SLC35F2: variants seen among roughly 807,000 people sequenced by gnomAD.
The protein encoded by SLC35F2 is solute carrier family 35 member F2.
Under a neutral mutation model 38.1 loss-of-function variants are expected in SLC35F2, and 25 were observed. The ratio of observed to expected loss-of-function variants is 0.66; its 90% confidence interval spans 0.48 to 0.92. The LOEUF is 0.92. Ranked by LOEUF, SLC35F2 falls within the 40% of genes least tolerant of loss-of-function variation. The pLI is 0.00. For synonymous variants in SLC35F2, 173 were observed against 181.7 expected (o/e 0.95, Z 0.38); for missense variants, 409 against 452.9 (o/e 0.90, Z 0.88).
chr11:107,855,600 C>T (rs540032532), intron 1 of SLC35F2, among the ~76,000 whole-genome samples: 37 of 151,496 alleles, frequency 2.4e-4, no homozygotes, highest in African/African-American at 6.8e-4. Flanking sequence ...TGCGGTGAGC[C>T]GAGATCGCGC....
intron 3 of SLC35F2, chr11:107,810,172 T>G (rs944526530): frequency 2.0e-6 from 2 of 985,342 alleles, no homozygotes; most frequent in African/African-American, 3.5e-5. Flanking sequence ...GAGAAAACAT[T>G]ACCTTGTTAG....
chr11:107,817,973 C>T (rs1859602721), intron 1 of SLC35F2, among the ~76,000 whole-genome samples: 1 of 149,958 alleles, frequency 6.7e-6, no homozygotes, highest in Non-Finnish European at 1.5e-5. Context: ...AGGAGAATCG[C>T]TTGAACCCGG....
In SLC35F2 at chr11:107,810,802, T is replaced by C. The variant is rs911665405; in HGVS notation, c.414+865A>G. Reference sequence around the variant, plus strand: ...AATACTGAGTTCTCATCAATCCTTATATTTTCTATGCGAAATAAGTCTAAT... The same window carrying C: ...AATACTGAGTTCTCATCAATCCTTACATTTTCTATGCGAAATAAGTCTAAT... On this transcript the variant is annotated intron_variant, in intron 3 of 7. Coordinates refer to ENST00000525815, the MANE Select transcript of SLC35F2 (RefSeq NM_017515.5). 7.1e-6 allele frequency: 7 copies of C among 980,854 alleles called. No individual in the cohort carries two copies. The African/African-American group carries it at 1.1e-4, about 15-fold the overall frequency. 60.8% of individuals were successfully genotyped at this position (980,854 alleles called of 1,614,324 possible).
intron 7 of SLC35F2, among the ~76,000 whole-genome samples, chr11:107,800,579 G>A (rs561988805): frequency 6.6e-6 from 1 of 152,072 alleles, no homozygotes; most frequent in East Asian, 1.9e-4. Context: ...TTTACTGAAG[G>A]CACACTGAGA....
At chr11:107,796,063 A>G (rs1398153148) in intron 7 of SLC35F2, among the ~76,000 whole-genome samples, 2 of 152,166 alleles carry the variant, frequency 1.3e-5, no homozygotes, top group African/African-American at 4.8e-5. Flanking sequence ...CAGGAGGCGG[A>G]GGTTGCAGTG....
intron 2 of SLC35F2, 22 bp downstream of exon 2, chr11:107,815,768 A>G: frequency 6.4e-7 from 1 of 1,568,544 alleles, no homozygotes; most frequent in East Asian, 2.3e-5. Context: ...TGTTGAAAAG[A>G]TAATTTCCAC....
chr11:107,808,160 T>A (rs1390253181), intron 3 of SLC35F2, among the ~76,000 whole-genome samples: 2 of 152,120 alleles, frequency 1.3e-5, no homozygotes, highest in Admixed American at 1.3e-4. Flanking sequence ...TGACAAAGCG[T>A]CCAACCCCAC....
intron 3 of SLC35F2, 96 bp from the exon 4 acceptor site, chr11:107,806,972 G>T: frequency 8.8e-7 from 1 of 1,133,444 alleles, no homozygotes; most frequent in Non-Finnish European, 1.3e-6. Context: ...TATAATAGGA[G>T]TCAGTATTTA....
chr11:107,820,566 C>T (rs768111006), intron 1 of SLC35F2, among the ~76,000 whole-genome samples: 42 of 152,094 alleles, frequency 2.8e-4, no homozygotes, highest in Non-Finnish European at 4.9e-4. Flanking sequence ...TATCTTCCTA[C>T]GTTCTATATC....
chr11:107,856,894 G>GGGAA lies in SLC35F2; in HGVS notation c.110+1760_110+1763dup, dbSNP rs1329613419. The stretch of plus-strand genomic sequence containing the variant: ...AGGCAGGAAGGAAGGAAGGGAGGGA[G>GGGAA]GGAAGGAAGGAAGGGAGGGAGGGAG... On this transcript the variant is annotated intron_variant, in intron 1 of 7. Coordinates refer to ENST00000525815, the MANE Select transcript of SLC35F2 (RefSeq NM_017515.5). Among the ~76,000 whole-genome samples the GGGAA allele has an allele frequency of 3.0e-3, 289 of 97,906 alleles. 9 individuals carry two copies. In the East Asian group the frequency reaches 0.045, roughly 15 times the overall value. The allele number at this position is 97,906 out of a possible 152,430, so 64.2% of individuals were successfully genotyped here.
At chr11:107,826,230 G>A (rs1258707514) in intron 1 of SLC35F2, among the ~76,000 whole-genome samples, 1 of 151,844 alleles carries the variant, frequency 6.6e-6, no homozygotes, top group Non-Finnish European at 1.5e-5. Context: ...GGTATGGAAT[G>A]CAAATATTTA....
At chr11:107,801,150 A>G (rs12361619) in intron 7 of SLC35F2, among the ~76,000 whole-genome samples, 1 of 151,926 alleles carries the variant, frequency 6.6e-6, no homozygotes, top group Admixed American at 6.6e-5. Context: ...CAGGTGATCC[A>G]CCCTCCTCAG....
chr11:107,839,327 G>A (rs545166392), intron 1 of SLC35F2, among the ~76,000 whole-genome samples: 2 of 152,222 alleles, frequency 1.3e-5, no homozygotes, highest in African/African-American at 4.8e-5. Flanking sequence ...TGGGCGTCAT[G>A]GCACATGCTT....
At chr11:107,855,758 G>A (rs964915618) in intron 1 of SLC35F2, among the ~76,000 whole-genome samples, 1 of 151,242 alleles carries the variant, frequency 6.6e-6, no homozygotes, top group Admixed American at 6.6e-5. Context: ...TATTTAGGAG[G>A]CTACTAGACT....
chr11:107,858,756 G>A lies in SLC35F2; in HGVS notation c.12C>T (p.Asp4=). Residue 4 remains aspartate, a synonymous_variant, in exon 1 of 8, where the codon GAC becomes GAT. Coordinates refer to ENST00000525815, the MANE Select transcript of SLC35F2 (RefSeq NM_017515.5). MEA[D]SPAGPGAPEP... is the part of the protein sequence containing the mutation. ...CTGGGGCGCCGGGGCCCGCTGGCGA[G>A]TCTGCCTCCATCGGCGCCCTTGCGC... 7.9e-7 allele frequency: 1 copy of A among 1,270,158 alleles called. No homozygotes were observed. Among genetic ancestry groups the A allele is most frequent in the Non-Finnish European group, 1.0e-6 (1 of 999,958 alleles). The allele number at this position is 1,270,158 out of a possible 1,614,324, so 78.7% of individuals were successfully genotyped here.
At chr11:107,857,805 G>A (rs1860317373) in intron 1 of SLC35F2, among the ~76,000 whole-genome samples, 1 of 152,062 alleles carries the variant, frequency 6.6e-6, no homozygotes, top group Non-Finnish European at 1.5e-5. Context: ...TGGGCAAATT[G>A]CTTAGCCTTC....
chr11:107,856,897 A>G, intron 1 of SLC35F2, among the ~76,000 whole-genome samples: 1 of 71,970 alleles, frequency 1.4e-5, no homozygotes, highest in South Asian at 7.0e-4. Context: ...GGAGGGAGGG[A>G]AGGAAGGAAG....
chr11:107,828,831 G>A (rs1859792987), intron 1 of SLC35F2, among the ~76,000 whole-genome samples: 1 of 152,102 alleles, frequency 6.6e-6, no homozygotes, highest in Admixed American at 6.6e-5. Context: ...TCCCGGCCGG[G>A]CGCAGTGACT....
intron 1 of SLC35F2, chr11:107,816,250 A>C: frequency 1.0e-6 from 1 of 982,474 alleles, no homozygotes; most frequent in African/African-American, 1.8e-5. Context: ...TATAACATAT[A>C]CTTTGTAAAG....
Sources: allele counts gnomAD v4.1 joint callset (sites outside exome capture counted in the v4.1 genomes callset), GRCh38; gene constraint gnomAD v4.1.1; transcripts MANE v1.5; gene names NCBI Gene and HGNC (gene_info 2026-07-23, HGNC 2026-07-21).